The following ELFN1 variants were observed in gnomAD, a reference collection of about 807,000 sequenced individuals.
ELFN1 encodes extracellular leucine rich repeat and fibronectin type III domain containing 1.
ELFN1 carries 6 observed loss-of-function variants against 7.6 expected under a neutral mutation model. The observed-to-expected ratio is 0.79, with a 90% CI of 0.43 to 1.56. The LOEUF (loss-of-function observed/expected upper bound fraction) is 1.56, where lower values mean the gene tolerates loss of function less well. Ranked by LOEUF, ELFN1 falls within the 40% of genes most tolerant of loss-of-function variation. The pLI is 0.01. For missense variants in ELFN1, 1,169 were observed against 1,232.2 expected, an observed-to-expected ratio of 0.95 and a Z score of 0.77; for synonymous variants, 657 against 588.1, an observed-to-expected ratio of 1.12 and a Z score of -1.70.
chr7:1,728,663 G>A (rs1236417523), intron 3 of ELFN1, among the ~76,000 whole-genome samples: 3 of 152,200 alleles, frequency 2.0e-5, no homozygotes, highest in Admixed American at 6.5e-5. Flanking sequence ...CAGCACATGC[G>A]TTTTCTCACG....
At chr7:1,675,851 G>T (rs1778860335) in intron 1 of ELFN1, among the ~76,000 whole-genome samples, 1 of 152,220 alleles carries the variant, frequency 6.6e-6, no homozygotes, top group South Asian at 2.1e-4. Flanking sequence ...CAGCACAGCT[G>T]CCCCGCCAGG....
At chr7:1,671,691 TCTC>T (rs2128572632) in intron 1 of ELFN1, among the ~76,000 whole-genome samples, 1 of 152,352 alleles carries the variant, frequency 6.6e-6, no homozygotes, top group East Asian at 1.9e-4. Flanking sequence ...ATGCTCCTCT[TCTC>T]TGCCTGGCTG....
intron 3 of ELFN1, among the ~76,000 whole-genome samples, chr7:1,730,089 G>T (rs1003525632): frequency 2.0e-5 from 3 of 152,258 alleles, no homozygotes; most frequent in Non-Finnish European, 2.9e-5. Flanking sequence ...AGGCGGTCAT[G>T]AGCTCTCCCA....
intron 2 of ELFN1, among the ~76,000 whole-genome samples, chr7:1,689,785 A>T (rs940579136): frequency 2.0e-5 from 3 of 152,128 alleles, no homozygotes; most frequent in Non-Finnish European, 4.4e-5. Context: ...TCTTGCCCAG[A>T]TTCACACCTT....
At chr7:1,688,343 G>A (rs778956784) in intron 2 of ELFN1, among the ~76,000 whole-genome samples, 193 bp downstream of exon 2, 9 of 152,002 alleles carry the variant, frequency 5.9e-5, no homozygotes, top group African/African-American at 1.2e-4. Context: ...TCATTTTAAT[G>A]TTACTCAAGT....
intron 2 of ELFN1, among the ~76,000 whole-genome samples, chr7:1,699,120 C>G (rs1779374273): frequency 6.6e-6 from 1 of 152,232 alleles, no homozygotes; most frequent in African/African-American, 2.4e-5. Context: ...GATGGCGGTT[C>G]CTTCCTCTTC....
At chr7:1,724,340 G>C (rs1190444850) in intron 3 of ELFN1, among the ~76,000 whole-genome samples, 1 of 152,096 alleles carries the variant, frequency 6.6e-6, no homozygotes. Flanking sequence ...AAGTCAGCCC[G>C]CGTTGCCTTC....
intron 1 of ELFN1, among the ~76,000 whole-genome samples, chr7:1,671,163 G>C (rs1415011719): frequency 7.8e-6 from 1 of 128,308 alleles, no homozygotes; most frequent in African/African-American, 3.1e-5. Context: ...CTGCCGTACC[G>C]CACACCGCCC....
intron 1 of ELFN1, among the ~76,000 whole-genome samples, chr7:1,686,566 T>C (rs1378036913): frequency 2.0e-5 from 3 of 152,084 alleles, no homozygotes; most frequent in African/African-American, 7.2e-5. Context: ...CAGTCAGTGA[T>C]TGGTTTGGGG....
At chr7:1,718,123 C>T (rs1222680340) in intron 3 of ELFN1, among the ~76,000 whole-genome samples, 2 of 152,244 alleles carry the variant, frequency 1.3e-5, no homozygotes, top group East Asian at 1.9e-4. Context: ...ATCACATCTG[C>T]ATCCCAGCTG....
intron 3 of ELFN1, among the ~76,000 whole-genome samples, chr7:1,726,108 A>G (rs967024769): frequency 5.3e-5 from 8 of 152,164 alleles, no homozygotes; most frequent in South Asian, 2.1e-4. Context: ...CACACGCACT[A>G]TTCTCTCCCA....
At chr7:1,683,089 TA>T (rs1554246760) in intron 1 of ELFN1, among the ~76,000 whole-genome samples, 1 of 152,192 alleles carries the variant, frequency 6.6e-6, no homozygotes, top group Non-Finnish European at 1.5e-5. Context: ...TTATGAGGTT[TA>T]AAGGTCTGTT....
At chr7:1,742,841 C>A (rs1780665351) in intron 3 of ELFN1, among the ~76,000 whole-genome samples, 1 of 152,210 alleles carries the variant, frequency 6.6e-6, no homozygotes, top group African/African-American at 2.4e-5. Context: ...GAGGAAAAAA[C>A]CCATTTTACA....
intron 1 of ELFN1, among the ~76,000 whole-genome samples, chr7:1,685,454 C>A (rs1485805800): frequency 6.6e-6 from 1 of 152,130 alleles, no homozygotes; most frequent in South Asian, 2.1e-4. Flanking sequence ...TATGCTAGTG[C>A]ACTTGATGTC....
chr7:1,738,369 G>A (rs1780510588), intron 3 of ELFN1, among the ~76,000 whole-genome samples: 1 of 152,176 alleles, frequency 6.6e-6, no homozygotes, highest in Admixed American at 6.5e-5. Context: ...GTTAGGGTTA[G>A]GACCCCCTAA....
chr7:1,744,447 G>A lies in ELFN1; in HGVS notation c.-150G>A, dbSNP rs533259940. 10 of 897,926 alleles carry A rather than the reference G, an allele frequency of 1.1e-5. No homozygotes were observed. The highest frequency in any genetic ancestry group is 6.0e-5 in the East Asian group (2 of 33,130). The allele number at this position is 897,926 out of a possible 1,614,324, so 55.6% of individuals were successfully genotyped here. A position where few individuals can be genotyped will look rare whatever the true frequency, so the allele number is the denominator to read the frequency against. On this transcript the variant is annotated 5_prime_UTR_variant, in exon 4 of 4. Coordinates refer to ENST00000424383, the MANE Select transcript of ELFN1 (RefSeq NM_001128636.4). Reference sequence around the variant, plus strand: ...AGGCGCCCTCCCTCCCCGCGCTTACGTCGCGCGGCCATGCGGTTTGGGACA... The same window carrying A: ...AGGCGCCCTCCCTCCCCGCGCTTACATCGCGCGGCCATGCGGTTTGGGACA...
chr7:1,737,217 G>A (rs1231075862), intron 3 of ELFN1, among the ~76,000 whole-genome samples: 1 of 152,050 alleles, frequency 6.6e-6, no homozygotes, highest in Non-Finnish European at 1.5e-5. Flanking sequence ...ACCCCGTCTC[G>A]CACACCTCCC....
In ELFN1 at chr7:1,747,726, G is replaced by A. The variant is rs1196402010; in HGVS notation, c.*643G>A. ...CTCAGGGTGGGTGGAGGCTGTGCCT[G>A]TGGACGGCCGGGGTGGCCAGGACGG... On this transcript the variant is annotated 3_prime_UTR_variant, in exon 4 of 4. Coordinates refer to ENST00000424383, the MANE Select transcript of ELFN1 (RefSeq NM_001128636.4). 6.0e-6 allele frequency: 1 copy of A among 165,498 alleles called. No individual in the cohort carries two copies. The highest frequency in any genetic ancestry group is 1.5e-5 in the Non-Finnish European group (1 of 68,146). 10.3% of individuals were successfully genotyped at this position (165,498 alleles called of 1,614,324 possible). A position where few individuals can be genotyped will look rare whatever the true frequency, so the allele number is the denominator to read the frequency against.
Position 1,740,837 on chromosome 7 carries a change from C to T in ELFN1, c.-293-3467C>T, listed in dbSNP as rs983063842. ...AAAGTGAGCTGCAGAATGAAAACTT[C>T]GGGGCCCCTTGGCTGGGCATGGTGG... is the stretch of plus-strand genomic sequence containing the variant. On this transcript the variant is annotated intron_variant, in intron 3 of 3. Transcript: ENST00000424383. The surrounding 1 kb of genome is among the most constrained non-coding windows in gnomAD (Gnocchi z 5.0). Among the ~76,000 whole-genome samples the T allele has an allele frequency of 3.9e-5, 6 of 152,168 alleles. No individual in the cohort carries two copies. Among genetic ancestry groups the T allele is most frequent in the African/African-American group, 1.2e-4 (5 of 41,452 alleles).
Sources: allele counts gnomAD v4.1 joint callset (sites outside exome capture counted in the v4.1 genomes callset), GRCh38; gene constraint gnomAD v4.1.1; non-coding constraint Gnocchi (gnomAD v3.1); transcripts MANE v1.5; gene names NCBI Gene and HGNC (gene_info 2026-07-23, HGNC 2026-07-21).